The following SPOCK1 variants were observed in gnomAD, a reference collection of about 807,000 sequenced individuals.
The protein encoded by SPOCK1 is testican-1.
Under a neutral mutation model 55.3 loss-of-function variants are expected in SPOCK1, and 23 were observed. That is an observed-to-expected ratio of 0.42 (90% CI 0.30 to 0.59). The LOEUF (loss-of-function observed/expected upper bound fraction) is 0.59. Among genes scored for constraint, SPOCK1 ranks in the 20% least tolerant of loss-of-function variants. SPOCK1 has a pLI of 0.22. For missense variants in SPOCK1, 499 were observed against 552.5 expected (o/e 0.90, Z 0.97); for synonymous variants, 226 against 221.0 (o/e 1.02, Z -0.20).
intron 5 of SPOCK1, among the ~76,000 whole-genome samples, chr5:137,075,198 T>C (rs969196749): frequency 6.6e-6 from 1 of 152,198 alleles, no homozygotes; most frequent in African/African-American, 2.4e-5. Flanking sequence ...GCTCTGTACA[T>C]TGAATAATTA....
rs567698688 is a variant in SPOCK1, at chr5:137,489,002, T to C, written c.186+9371A>G. On this transcript the variant is annotated intron_variant, in intron 2 of 10. Coordinates refer to ENST00000394945, the MANE Select transcript of SPOCK1 (RefSeq NM_004598.4). ...ATTTTCATAAAACCATGAGAAAAGCTACCAAATCAAATTAACTTGGATCTT... is the reference window on the plus strand; with the variant it reads ...ATTTTCATAAAACCATGAGAAAAGCCACCAAATCAAATTAACTTGGATCTT... Among the ~76,000 whole-genome samples, 4 of 152,308 alleles carry C rather than the reference T, an allele frequency of 2.6e-5. No homozygotes were observed. In the South Asian group the frequency reaches 8.3e-4, roughly 32 times the overall value.
intron 2 of SPOCK1, among the ~76,000 whole-genome samples, chr5:137,471,915 G>T (rs1387384680): frequency 2.0e-5 from 3 of 152,178 alleles, no homozygotes; most frequent in Non-Finnish European, 1.5e-5. Context: ...GGACCTGAGG[G>T]CATGGGAAAT....
intron 2 of SPOCK1, among the ~76,000 whole-genome samples, chr5:137,336,428 C>T (rs896215006): frequency 6.6e-6 from 1 of 152,170 alleles, no homozygotes; most frequent in African/African-American, 2.4e-5. Context: ...TGGGAATTTA[C>T]AGTACTATTG....
intron 2 of SPOCK1, among the ~76,000 whole-genome samples, chr5:137,492,794 C>T (rs1346366574): frequency 6.6e-6 from 1 of 152,230 alleles, no homozygotes; most frequent in African/African-American, 2.4e-5. Context: ...CTCCATCCAC[C>T]AATGGAAGGT....
chr5:137,468,627 C>T (rs1753670425), intron 2 of SPOCK1, among the ~76,000 whole-genome samples: 1 of 152,146 alleles, frequency 6.6e-6, no homozygotes, highest in Non-Finnish European at 1.5e-5. Flanking sequence ...CTGTCAGTAG[C>T]CAATACATAC....
At chr5:137,230,899 T>TTCCATTTTCCTTTACCC (rs1257673302) in intron 3 of SPOCK1, among the ~76,000 whole-genome samples, 21 of 97,394 alleles carry the variant, frequency 2.2e-4, no homozygotes, top group East Asian at 2.8e-4. Context: ...CTTACAAAAC[T>TTCCATTTTCCTTTACCC]AAGTATAACT....
At chr5:137,161,792 G>A (rs1754563145) in intron 3 of SPOCK1, among the ~76,000 whole-genome samples, 1 of 152,080 alleles carries the variant, frequency 6.6e-6, no homozygotes, top group Admixed American at 6.6e-5. Context: ...TCTAAGATGT[G>A]AGCAAGATGG....
In SPOCK1 at chr5:137,140,612, G is replaced by A; in HGVS notation, c.315C>T (p.Ala105=). The part of the protein sequence containing the change: ...KVCVTQDYQT[A]LCVSRKHLLP... ...GCAGGTGCTTGCGGCTGACACACAG[G>A]GCGGTCTGGTAGTCCTGGGTCACAC... The change falls in exon 4 of 11, where the codon GCC becomes GCT. Residue 105 remains alanine, a synonymous_variant. Coordinates refer to ENST00000394945, the MANE Select transcript of SPOCK1 (RefSeq NM_004598.4). 1 of 1,613,916 alleles carries A rather than the reference G, an allele frequency of 6.2e-7. No individual in the cohort carries two copies. Among genetic ancestry groups the A allele is most frequent in the Non-Finnish European group, 8.5e-7 (1 of 1,179,946 alleles).
At chr5:137,027,797 C>T (rs1031194934) in intron 6 of SPOCK1, among the ~76,000 whole-genome samples, 1 of 151,422 alleles carries the variant, frequency 6.6e-6, no homozygotes, top group African/African-American at 2.4e-5. Flanking sequence ...TTTTGCACCC[C>T]TCATTCTCTC....
intron 2 of SPOCK1, among the ~76,000 whole-genome samples, chr5:137,351,145 C>T (rs1229728): frequency 0.43 from 65,703 of 151,984 alleles, 14,551 homozygotes; most frequent in East Asian, 0.59. Context: ...AGAATCTGGA[C>T]GAAGAAAAGA....
At chr5:137,363,364 G>A (rs927220025) in intron 2 of SPOCK1, among the ~76,000 whole-genome samples, 1 of 152,226 alleles carries the variant, frequency 6.6e-6, no homozygotes, top group South Asian at 2.1e-4. Context: ...CTCAGAACTT[G>A]TAAATATTGG....
At chr5:137,151,138 T>A (rs1554100309) in intron 3 of SPOCK1, among the ~76,000 whole-genome samples, 1 of 151,742 alleles carries the variant, frequency 6.6e-6, no homozygotes, top group Non-Finnish European at 1.5e-5. Flanking sequence ...AATCTAAAAT[T>A]TATATTTTGT....
chr5:137,142,307 G>C, intron 3 of SPOCK1, among the ~76,000 whole-genome samples: 1 of 152,188 alleles, frequency 6.6e-6, no homozygotes. Flanking sequence ...GGACATCACT[G>C]TTCCTCTCCT....
At chr5:137,021,670 C>T (rs1171661885) in intron 6 of SPOCK1, among the ~76,000 whole-genome samples, 1 of 152,192 alleles carries the variant, frequency 6.6e-6, no homozygotes, top group African/African-American at 2.4e-5. Context: ...GAGAGAACAT[C>T]TTTCTGCGAA....
Position 137,465,038 on chromosome 5 carries a change from C to T in SPOCK1, c.186+33335G>A, listed in dbSNP as rs1441799845. 4.6e-5 allele frequency among the ~76,000 whole-genome samples: 7 copies of T among 152,196 alleles called. No individual in the cohort carries two copies. The East Asian group carries it at 1.4e-3, about 29-fold the overall frequency. On this transcript the variant is annotated intron_variant, in intron 2 of 10. Transcript: ENST00000394945. ...TGCAGAAAACCTTGAGAGAACAACG[C>T]TATAGAAGCCACTGGAGAGGAAGGG...
intron 3 of SPOCK1, among the ~76,000 whole-genome samples, chr5:137,156,387 C>A (rs79346134): frequency 0.014 from 2,066 of 152,226 alleles, 45 homozygotes; most frequent in African/African-American, 0.046. Flanking sequence ...GCATTCTTAT[C>A]CTGGAGCAAA....
At position 137,095,107 on chromosome 5, in the gene SPOCK1, T is replaced by C. The variant is rs914878573; in HGVS notation, c.474+17328A>G. Among the ~76,000 whole-genome samples, 5 of 152,326 alleles carry C rather than the reference T, an allele frequency of 3.3e-5. 1 individual carries two copies. In the South Asian group the frequency reaches 1.0e-3, roughly 32 times the overall value. ...TCAGAACACATACCAGATTTATCAA[T>C]TAATTTCATCATCTTATGTTGGAGT... On this transcript the variant is annotated intron_variant, in intron 5 of 10. Transcript: ENST00000394945.
chr5:137,160,637 A>AATATATTATATATAATAT (rs1754533124), intron 3 of SPOCK1, among the ~76,000 whole-genome samples: 3 of 72,944 alleles, frequency 4.1e-5, no homozygotes, highest in Admixed American at 2.1e-4. Flanking sequence ...TATAATATAT[A>AATATATTATATATAATAT]ATATATATTT....
chr5:137,209,996 A>T (rs1032111620), intron 3 of SPOCK1, among the ~76,000 whole-genome samples: 5 of 152,166 alleles, frequency 3.3e-5, no homozygotes, highest in African/African-American at 1.2e-4. Context: ...TTTGATATTG[A>T]TTTTTTGTTA....
Sources: allele counts gnomAD v4.1 joint callset (sites outside exome capture counted in the v4.1 genomes callset), GRCh38; gene constraint gnomAD v4.1.1; transcripts MANE v1.5; gene names NCBI Gene and HGNC (gene_info 2026-07-23, HGNC 2026-07-21).